Variants in CFAP61 observed in about 807,000 individuals in gnomAD.
The protein encoded by CFAP61 is cilia- and flagella-associated protein 61.
A neutral mutation model predicts 135.6 loss-of-function variants in CFAP61; 107 were observed. The ratio of observed to expected loss-of-function variants is 0.79; its 90% CI spans 0.67 to 0.93. The LOEUF is 0.93. CFAP61 is among the 40% of genes least tolerant of loss of function. The probability of loss-of-function intolerance (pLI) is 0.00; values close to 1 mark genes in which losing one functional copy is unlikely to be tolerated. For synonymous variants in CFAP61, 575 were observed against 578.5 expected, an observed-to-expected ratio of 0.99 and a Z score of 0.09; for missense variants, 1,507 against 1,556.2, an observed-to-expected ratio of 0.97 and a Z score of 0.53.
intron 9 of CFAP61, among the ~76,000 whole-genome samples, chr20:20,146,822 T>C (rs1024609653): frequency 1.1e-4 from 17 of 152,214 alleles, no homozygotes; most frequent in Non-Finnish European, 2.2e-4. Context: ...GGATAAGTTC[T>C]TTAGTGGTGA....
At chr20:20,254,542 A>C (rs1451406655) in intron 20 of CFAP61, among the ~76,000 whole-genome samples, 3 of 152,142 alleles carry the variant, frequency 2.0e-5, no homozygotes, top group Admixed American at 6.5e-5. Context: ...AATGAAATGA[A>C]GAAGTGATAA....
rs1569100733 is a variant in CFAP61, at chr20:20,191,490, C to T, written c.1590+71C>T. Reference sequence around the variant, plus strand: ...TATCATGAATTAGCCCACAGTGCCCCTTTTGGAGTTGTACTTTTACTTATT... The same window carrying T: ...TATCATGAATTAGCCCACAGTGCCCTTTTTGGAGTTGTACTTTTACTTATT... On this transcript the variant is annotated intron_variant, in intron 15 of 26. Transcript: ENST00000245957. The T allele has an allele frequency of 6.8e-5, 75 of 1,099,942 alleles. 1 individual carries two copies. The East Asian group carries it at 1.8e-3, about 26-fold the overall frequency. The allele number at this position is 1,099,942 out of a possible 1,614,324, so 68.1% of individuals were successfully genotyped here.
intron 21 of CFAP61, among the ~76,000 whole-genome samples, chr20:20,268,424 T>A (rs1355327014): frequency 6.6e-6 from 1 of 152,212 alleles, no homozygotes; most frequent in African/African-American, 2.4e-5. Context: ...TCCTTTGAAC[T>A]TCTACCCATT....
rs145731747 is a variant in CFAP61 at position 20,249,468 on chromosome 20, G to A, written c.2160-2127G>A. Among the ~76,000 whole-genome samples the A allele has an allele frequency of 2.7e-3, 413 of 152,262 alleles. 1 individual carries two copies. The highest frequency in any genetic ancestry group is 9.5e-3 in the African/African-American group (393 of 41,548). On this transcript the variant is annotated intron_variant, in intron 19 of 26. Coordinates refer to ENST00000245957, the MANE Select transcript of CFAP61 (RefSeq NM_015585.4). ...CGGGGAGGATAGCTTGGGCCCAGGAGGTCAAGGCTACAGTGAGCCATGATT... is the reference window on the plus strand; with the variant it reads ...CGGGGAGGATAGCTTGGGCCCAGGAAGTCAAGGCTACAGTGAGCCATGATT...
At chr20:20,145,291 G>C (rs2051782103) in intron 9 of CFAP61, among the ~76,000 whole-genome samples, 1 of 152,136 alleles carries the variant, frequency 6.6e-6, no homozygotes, top group African/African-American at 2.4e-5. Context: ...CTATTTTAAG[G>C]TTCTTATATC....
At chr20:20,253,418 CTG>C (rs1051306944) in intron 20 of CFAP61, 126 of 261,908 alleles carry the variant, frequency 4.8e-4, no homozygotes, top group African/African-American at 2.8e-3. Context: ...GCTCATCTCA[CTG>C]TGGCAGGCAG....
chr20:20,092,269 A>T (rs750453320), intron 7 of CFAP61, among the ~76,000 whole-genome samples: 17 of 152,190 alleles, frequency 1.1e-4, no homozygotes, highest in Non-Finnish European at 2.4e-4. Flanking sequence ...ATATTTTTGA[A>T]TTAGCAGCTA....
intron 26 of CFAP61, among the ~76,000 whole-genome samples, chr20:20,345,565 G>C (rs1388934895): frequency 6.6e-6 from 1 of 152,132 alleles, no homozygotes; most frequent in Non-Finnish European, 1.5e-5. Context: ...AGGAAGAAAA[G>C]ACCATTATCT....
rs916754365 is a variant in CFAP61 at position 20,091,512 on chromosome 20, T to G, written c.699+536T>G. On this transcript the variant is annotated intron_variant, in intron 7 of 26. Transcript: ENST00000245957. ...CTCTTTTTCTCTCTTGCTGGCTCTC[T>G]CTCTCTCTCTCATGTATATTCTGAA... 2.7e-3 allele frequency among the ~76,000 whole-genome samples: 416 copies of G among 152,164 alleles called. 1 individual carries two copies. The highest frequency in any genetic ancestry group is 9.7e-3 in the African/African-American group (403 of 41,500).
At chr20:20,243,437 T>C (rs960755812) in intron 18 of CFAP61, among the ~76,000 whole-genome samples, 17 of 151,792 alleles carry the variant, frequency 1.1e-4, no homozygotes, top group African/African-American at 3.6e-4. Flanking sequence ...CCCAAGTCTT[T>C]TTTTTTTTCT....
chr20:20,072,691 A>G (rs181360580), intron 3 of CFAP61, among the ~76,000 whole-genome samples: 18 of 152,326 alleles, frequency 1.2e-4, no homozygotes, highest in Middle Eastern at 3.4e-3. Context: ...GGGCTGTCCA[A>G]TGTGGTAGCC....
intron 25 of CFAP61, among the ~76,000 whole-genome samples, chr20:20,304,006 T>G (rs747956480): frequency 1.3e-5 from 2 of 152,088 alleles, no homozygotes; most frequent in Non-Finnish European, 2.9e-5. Flanking sequence ...GGTCAGATGT[T>G]GCTGTGGTAG....
At chr20:20,065,342 ATC>A (rs1257005272) in intron 2 of CFAP61, among the ~76,000 whole-genome samples, 5 of 151,904 alleles carry the variant, frequency 3.3e-5, no homozygotes, top group Non-Finnish European at 7.4e-5. Flanking sequence ...CACTTTTCCT[ATC>A]TCAGTAATTC....
chr20:20,057,120 TA>T (rs752860141), intron 2 of CFAP61, among the ~76,000 whole-genome samples: 247 of 102,118 alleles, frequency 2.4e-3, no homozygotes, highest in Admixed American at 4.2e-3. Context: ...CTGTCTCAAT[TA>T]AAAAAAAAAA....
chr20:20,345,445 A>G (rs1010373502), intron 26 of CFAP61, among the ~76,000 whole-genome samples: 1 of 152,178 alleles, frequency 6.6e-6, no homozygotes, highest in African/African-American at 2.4e-5. Context: ...GATGTAAACC[A>G]TTTTATTTCA....
chr20:20,311,702 G>A (rs2056838576), intron 25 of CFAP61, among the ~76,000 whole-genome samples: 1 of 152,176 alleles, frequency 6.6e-6, no homozygotes, highest in African/African-American at 2.4e-5. Flanking sequence ...CACAGAGAGA[G>A]AAGCTTGGAG....
chr20:20,129,281 T>C (rs2050319596), intron 8 of CFAP61, among the ~76,000 whole-genome samples: 1 of 151,874 alleles, frequency 6.6e-6, no homozygotes, highest in African/African-American at 2.4e-5. Context: ...TCAAGTTTTG[T>C]TTATTTGGGA....
chr20:20,199,711 T>A, intron 16 of CFAP61, 57 bp from the exon 17 acceptor site: 1 of 1,602,236 alleles, frequency 6.2e-7, no homozygotes, highest in Non-Finnish European at 8.5e-7. Context: ...TACGCAGACA[T>A]CTGTGCTGAG....
chr20:20,328,749 G>C (rs952446579), intron 25 of CFAP61, among the ~76,000 whole-genome samples: 1 of 152,128 alleles, frequency 6.6e-6, no homozygotes, highest in Non-Finnish European at 1.5e-5. Flanking sequence ...TTTCAAAGAA[G>C]ACATATAGAC....
Sources: allele counts gnomAD v4.1 joint callset (sites outside exome capture counted in the v4.1 genomes callset), GRCh38; gene constraint gnomAD v4.1.1; transcripts MANE v1.5; gene names NCBI Gene and HGNC (gene_info 2026-07-23, HGNC 2026-07-21).